Variants in WASHC2A observed in about 807,000 individuals in gnomAD.
WASHC2A encodes the protein WASH complex subunit FAM21A.
In WASHC2A, 82 loss-of-function variants were observed where a neutral mutation model predicts 140.3. The ratio of observed to expected loss-of-function variants is 0.58; its 90% confidence interval spans 0.49 to 0.70. The LOEUF (loss-of-function observed/expected upper bound fraction) is 0.70. Ranked by LOEUF, WASHC2A falls within the 30% of genes least tolerant of loss-of-function variation. The probability of loss-of-function intolerance (pLI) is 0.00; values close to 1 mark genes in which losing one functional copy is unlikely to be tolerated. For synonymous variants in WASHC2A, 340 were observed against 560.8 expected (o/e 0.61, Z 5.56); for missense variants, 985 against 1,521.8 (o/e 0.65, Z 5.87).
intron 17 of WASHC2A, among the ~76,000 whole-genome samples, chr10:50,100,352 C>T (rs1473050261): frequency 1.7e-4 from 25 of 151,296 alleles, no homozygotes; most frequent in African/African-American, 3.9e-4. Context: ...TATGGTGGTG[C>T]GAGCCTGTAA....
At chr10:50,126,299 G>A (rs1843421791) in intron 26 of WASHC2A, 120 bp downstream of exon 26, 1 of 1,589,652 alleles carries the variant, frequency 6.3e-7, no homozygotes, top group Admixed American at 1.7e-5. Flanking sequence ...AGCAACCAGG[G>A]CTACCGCTTT....
rs1843746635 is a variant in WASHC2A at position 50,129,491 on chromosome 10, A to G, written c.3160A>G (p.Ser1054Gly). ...AARRLAAQESSETEDMSVPRG... is the reference protein window; with the variant it reads ...AARRLAAQESGETEDMSVPRG... ...TAGGCGGCTGGCTGCTCAGGAGTCC[A>G]GCGAGACTGAGGACATGAGCGTCCC... The change falls in exon 29 of 31, where the codon AGC becomes GGC. Residue 1054 changes from serine to glycine, a missense_variant. By Grantham distance (56) the Ser-to-Gly change is moderately conservative. Transcript: ENST00000282633. 6.2e-7 allele frequency: 1 copy of G among 1,611,956 alleles called. No individual in the cohort carries two copies. Among genetic ancestry groups the G allele is most frequent in the African/African-American group, 1.3e-5 (1 of 74,868 alleles).
chr10:50,109,987 G>A, intron 19 of WASHC2A, 114 bp from the exon 20 acceptor site: 1 of 1,159,350 alleles, frequency 8.6e-7, no homozygotes, highest in Non-Finnish European at 1.2e-6. Flanking sequence ...AGCAAGGATG[G>A]TCTTGATCTG....
Position 50,087,267 on chromosome 10 carries a change from C to G in WASHC2A, c.685-8C>G, listed in dbSNP as rs1279125268. 1.4e-5 allele frequency: 22 copies of G among 1,613,756 alleles called. No individual in the cohort carries two copies. Among genetic ancestry groups the G allele is most frequent in the Non-Finnish European group, 1.8e-5 (21 of 1,179,842 alleles). On this transcript the variant is annotated splice_polypyrimidine_tract_variant and splice_region_variant and intron_variant, in intron 7 of 30. Coordinates refer to ENST00000282633, the MANE Select transcript of WASHC2A (RefSeq NM_001005751.3). Reference sequence around the variant, plus strand: ...ATTTAACAACAAAGCCTTTTCTTCCCCACAAAGGAGTCAGATGAAGATTTT... The same window carrying G: ...ATTTAACAACAAAGCCTTTTCTTCCGCACAAAGGAGTCAGATGAAGATTTT...
rs1307724225 is a variant in WASHC2A, at chr10:50,083,104, T to G, written c.529-968T>G. ...ACCTCCACCTCCTGGGTTCAAGAGATTCTCCTGTCTTAGTCTCCTGAGTAA... is the reference window on the plus strand; with the variant it reads ...ACCTCCACCTCCTGGGTTCAAGAGAGTCTCCTGTCTTAGTCTCCTGAGTAA... On this transcript the variant is annotated intron_variant, in intron 5 of 30. Coordinates refer to ENST00000282633, the MANE Select transcript of WASHC2A (RefSeq NM_001005751.3). Among the ~76,000 whole-genome samples, 276 of 110,228 alleles carry G rather than the reference T, an allele frequency of 2.5e-3. 2 individuals carry two copies. Among genetic ancestry groups the G allele is most frequent in the African/African-American group, 9.1e-3 (234 of 25,688 alleles). 72.3% of individuals were successfully genotyped at this position (110,228 alleles called of 152,430 possible).
At chr10:50,104,717 A>G (rs1183088968) in intron 18 of WASHC2A, among the ~76,000 whole-genome samples, 2 of 151,454 alleles carry the variant, frequency 1.3e-5, no homozygotes, top group Non-Finnish European at 2.9e-5. Context: ...TCTGCCTTTG[A>G]GAAATACAAT....
intron 19 of WASHC2A, 79 bp from the exon 20 acceptor site, chr10:50,110,022 G>A (rs2669687): frequency 0.13 from 169,359 of 1,305,412 alleles, 11,324 homozygotes; most frequent in Middle Eastern, 0.18. Context: ...CACCCGCCTC[G>A]GCCTCCCAAA....
chr10:50,126,000 T>C (rs1179421206), intron 25 of WASHC2A, 57 bp from the exon 26 acceptor site: 10 of 1,604,982 alleles, frequency 6.2e-6, no homozygotes, highest in Non-Finnish European at 8.5e-6. Context: ...CATTATGATT[T>C]TTCCTTAAAA....
At chr10:50,123,212 A>G (rs1331708099) in intron 23 of WASHC2A, among the ~76,000 whole-genome samples, 8 of 122,132 alleles carry the variant, frequency 6.6e-5, no homozygotes, top group African/African-American at 2.1e-4. Context: ...TTCTTATAAC[A>G]TAAAGCTACC....
At chr10:50,088,368 C>T (rs1239068596) in intron 8 of WASHC2A, among the ~76,000 whole-genome samples, 2 of 144,536 alleles carry the variant, frequency 1.4e-5, no homozygotes, top group South Asian at 2.3e-4. Context: ...AGGGTTCAAG[C>T]GATTCTCATG....
chr10:50,132,898 G>A lies in WASHC2A; in HGVS notation c.3979G>A (p.Val1327Met), dbSNP rs771365716. 6.8e-6 allele frequency: 11 copies of A among 1,611,992 alleles called. No homozygotes were observed. The highest frequency in any genetic ancestry group is 3.3e-5 in the Admixed American group (2 of 60,012). Residue 1327 changes from valine (V) to methionine (M), a missense_variant, in exon 31 of 31, where the codon GTG becomes ATG. Coordinates refer to ENST00000282633, the MANE Select transcript of WASHC2A (RefSeq NM_001005751.3). ...AAPEPRFEHK[V>M]SNIFDDPLNA... ...ACCTGAACCAAGATTTGAACACAAGGTGTCCAACATCTTTGATGATCCCCT... is the reference window on the plus strand; with the variant it reads ...ACCTGAACCAAGATTTGAACACAAGATGTCCAACATCTTTGATGATCCCCT...
intron 13 of WASHC2A, among the ~76,000 whole-genome samples, chr10:50,094,634 C>G (rs1447924016): frequency 0.029 from 4,468 of 152,110 alleles, 140 homozygotes; most frequent in African/African-American, 0.099. Context: ...CTCCTTGTGC[C>G]TGCTGTGCGG....
At chr10:50,088,420 C>T (rs1839582227) in intron 8 of WASHC2A, among the ~76,000 whole-genome samples, 1 of 149,596 alleles carries the variant, frequency 6.7e-6, no homozygotes, top group Admixed American at 6.7e-5. Flanking sequence ...GTGTGTGGCA[C>T]CATGCCCGGC....
At chr10:50,123,869 A>T (rs1311077783) in intron 23 of WASHC2A, among the ~76,000 whole-genome samples, 92 of 151,386 alleles carry the variant, frequency 6.1e-4, no homozygotes, top group Non-Finnish European at 4.7e-4. Flanking sequence ...TTATACCAAT[A>T]CTATAAGCTT....
intron 3 of WASHC2A, among the ~76,000 whole-genome samples, chr10:50,074,274 A>T (rs2132347229): frequency 8.5e-6 from 1 of 117,536 alleles, no homozygotes; most frequent in Non-Finnish European, 1.8e-5. Flanking sequence ...TATCTGCTGG[A>T]TATGAAGTAG....
At chr10:50,106,589 A>C in intron 19 of WASHC2A, 124 bp downstream of exon 19, 1 of 1,452,316 alleles carries the variant, frequency 6.9e-7, no homozygotes, top group South Asian at 1.3e-5. Flanking sequence ...GGCGATGTTC[A>C]CAAGATTGTC....
At chr10:50,130,704 C>G (rs1213373431) in intron 29 of WASHC2A, among the ~76,000 whole-genome samples, 197 bp from the exon 30 acceptor site, 2 of 152,154 alleles carry the variant, frequency 1.3e-5, no homozygotes, top group Non-Finnish European at 2.9e-5. Flanking sequence ...CACTGCAGTG[C>G]CGGCATTTGA....
intron 8 of WASHC2A, among the ~76,000 whole-genome samples, chr10:50,089,531 C>G (rs1455428135): frequency 6.6e-6 from 1 of 152,074 alleles, no homozygotes; most frequent in African/African-American, 2.4e-5. Context: ...TCCTTCTCTG[C>G]ATACTCTTCA....
At chr10:50,120,606 G>A (rs1446230161) in intron 23 of WASHC2A, among the ~76,000 whole-genome samples, 2 of 94,342 alleles carry the variant, frequency 2.1e-5, no homozygotes, top group Admixed American at 1.2e-4. Flanking sequence ...GCAACAGAAC[G>A]AGACTCCATC....
Sources: gnomAD v4.1 joint callset for allele counts (sites outside exome capture counted in the v4.1 genomes callset) on GRCh38, gnomAD v4.1.1 for gene constraint, MANE v1.5 for transcripts, NCBI Gene and HGNC (gene_info 2026-07-23, HGNC 2026-07-21) for gene names.